FAM98B: variants seen among roughly 807,000 people sequenced by gnomAD.
FAM98B encodes tRNA splicing ligase complex subunit 3B.
Under a neutral mutation model 43.9 loss-of-function variants are expected in FAM98B, and 32 were observed. The observed-to-expected ratio is 0.73, with a 90% CI of 0.55 to 0.98. The LOEUF (loss-of-function observed/expected upper bound fraction) is 0.98. Ranked by LOEUF, FAM98B falls within the 50% of genes least tolerant of loss-of-function variation. FAM98B has a pLI of 0.00. For synonymous variants in FAM98B, 190 were observed against 174.0 expected, an observed-to-expected ratio of 1.09 and a Z score of -0.72; for missense variants, 514 against 522.9, an observed-to-expected ratio of 0.98 and a Z score of 0.17.
At chr15:38,460,961 C>T (rs1193258516) in intron 1 of FAM98B, among the ~76,000 whole-genome samples, 2 of 152,132 alleles carry the variant, frequency 1.3e-5, no homozygotes, top group Admixed American at 6.5e-5. Flanking sequence ...ATGTTAGCCA[C>T]TATTGCGATT....
At chr15:38,465,531 A>T in intron 3 of FAM98B, 128 bp downstream of exon 3, 1 of 831,236 alleles carries the variant, frequency 1.2e-6, no homozygotes, top group Non-Finnish European at 1.7e-6. Context: ...CTTAAAATAC[A>T]AAGCTATCTC....
At chr15:38,478,125 A>AAT (rs1260475294) in intron 6 of FAM98B, among the ~76,000 whole-genome samples, 3 of 152,244 alleles carry the variant, frequency 2.0e-5, no homozygotes, top group Non-Finnish European at 4.4e-5. Flanking sequence ...AGAAATCCAA[A>AAT]ATAAGTGAGT....
rs1236472418 is a variant in FAM98B at position 38,487,468 on chromosome 15, C to G, written c.*2809C>G. The G allele has an allele frequency of 6.6e-6, 1 of 152,050 alleles. No homozygotes were observed. The highest frequency in any genetic ancestry group is 2.4e-5 in the African/African-American group (1 of 41,422). 9.4% of individuals were successfully genotyped at this position (152,050 alleles called of 1,614,324 possible). A position where few individuals can be genotyped will look rare whatever the true frequency, so the allele number is the denominator to read the frequency against. ...AATCTTGCCTTCAGGATCAGGCTGT[C>G]AGTGTGACTTTATTACTTTGTATGA... On this transcript the variant is annotated 3_prime_UTR_variant, in exon 8 of 8. Coordinates refer to ENST00000397609, the MANE Select transcript of FAM98B (RefSeq NM_173611.4).
Position 38,470,394 on chromosome 15 carries a change from G to C in FAM98B, c.520G>C (p.Val174Leu), listed in dbSNP as rs1439892665. 6.3e-7 allele frequency: 1 copy of C among 1,593,884 alleles called. No individual in the cohort carries two copies. Among genetic ancestry groups the C allele is most frequent in the East Asian group, 2.3e-5 (1 of 44,298 alleles). Reference protein sequence around the residue: ...TSDIPHMLNQVESKVKDILSK... With the variant: ...TSDIPHMLNQLESKVKDILSK... ...TGACATTCCGCATATGCTAAACCAA[G>C]TGGAATCAAAGGTATTATCTTTGTT... is the stretch of plus-strand genomic sequence containing the variant. The change falls in exon 4 of 8, where the codon GTG becomes CTG. Residue 174 changes from valine to leucine, a missense_variant. By Grantham distance (32) the Val-to-Leu change is conservative. Coordinates refer to ENST00000397609, the MANE Select transcript of FAM98B (RefSeq NM_173611.4).
Position 38,480,008 on chromosome 15 carries a change from C to G in FAM98B, c.730-1284C>G, listed in dbSNP as rs574093171. 3.3e-5 allele frequency among the ~76,000 whole-genome samples: 5 copies of G among 151,850 alleles called. No individual in the cohort carries two copies. In the South Asian group the frequency reaches 8.3e-4, roughly 25 times the overall value. ...TCCTCTTTTTAACTTCTATTTATGT[C>G]TTGTCATTTTTTTTTCCTGTAAAAT... On this transcript the variant is annotated intron_variant, in intron 6 of 7. Transcript: ENST00000397609.
rs1482231277 is a variant in FAM98B at position 38,474,222 on chromosome 15, A to G, written c.653A>G (p.Tyr218Cys). ...ERINDALSCEYECRRRMLMKR... is the reference protein window; with the variant it reads ...ERINDALSCECECRRRMLMKR... ...ATCAATGATGCTCTTTCCTGTGAAT[A>G]TGAGTGCCGCCGACGAATGTTAATG... is the stretch of plus-strand genomic sequence containing the variant. The change falls in exon 6 of 8, where the codon TAT becomes TGT. Residue 218 changes from tyrosine (Y) to cysteine (C), a missense_variant. Tyr to Cys is a radical substitution (Grantham distance 194, BLOSUM62 -2). Coordinates refer to ENST00000397609, the MANE Select transcript of FAM98B (RefSeq NM_173611.4). The G allele has an allele frequency of 1.2e-6, 2 of 1,613,878 alleles. No individual in the cohort carries two copies. Among genetic ancestry groups the G allele is most frequent in the South Asian group, 1.1e-5 (1 of 91,074 alleles).
intron 7 of FAM98B, among the ~76,000 whole-genome samples, chr15:38,483,823 T>A (rs1019383816): frequency 6.6e-6 from 1 of 151,784 alleles, no homozygotes; most frequent in South Asian, 2.1e-4. Context: ...AGTAAAAAAA[T>A]TATTTTTTAA....
rs768909583 is a variant in FAM98B, at chr15:38,465,430, A to G, written c.352+27A>G. 3 of 1,542,340 alleles carry G rather than the reference A, an allele frequency of 1.9e-6. No individual in the cohort carries two copies. In the South Asian group the frequency reaches 3.9e-5, roughly 20 times the overall value. On this transcript the variant is annotated intron_variant, in intron 3 of 7. Transcript: ENST00000397609. ...TAAGTTATCTTGAACATTTAAATGC[A>G]TGTGTTTGACATGGTTTTTATTATT...
chr15:38,455,689 C>T (rs938359910), intron 1 of FAM98B, among the ~76,000 whole-genome samples: 1 of 152,114 alleles, frequency 6.6e-6, no homozygotes, highest in Non-Finnish European at 1.5e-5. Flanking sequence ...TTTGAGCTCC[C>T]AAGTACTTCA....
intron 4 of FAM98B, 47 bp downstream of exon 4, chr15:38,470,452 A>C (rs1388903995): frequency 6.8e-7 from 1 of 1,461,458 alleles, no homozygotes; most frequent in South Asian, 1.3e-5. Context: ...GAATGGTAAC[A>C]TGTAAGTGCT....
At chr15:38,454,463 C>A (rs1889816319) in intron 1 of FAM98B, among the ~76,000 whole-genome samples, 1 of 152,250 alleles carries the variant, frequency 6.6e-6, no homozygotes, top group African/African-American at 2.4e-5. Flanking sequence ...TTCGAAACTT[C>A]TTGCCTCGAA....
At position 38,472,226 on chromosome 15, in the gene FAM98B, T is replaced by G. The variant is rs551374201; in HGVS notation, c.532-1279T>G. 1.1e-4 allele frequency among the ~76,000 whole-genome samples: 17 copies of G among 152,264 alleles called. No homozygotes were observed. In the South Asian group the frequency reaches 1.2e-3, roughly 11 times the overall value. On this transcript the variant is annotated intron_variant, in intron 4 of 7. Transcript: ENST00000397609. Reference sequence around the variant, plus strand: ...ACACGTAACAAACTACAAGTATACATTGAGAATTCCTCTGGAGTGAGGAGT... The same window carrying G: ...ACACGTAACAAACTACAAGTATACAGTGAGAATTCCTCTGGAGTGAGGAGT...
At position 38,481,336 on chromosome 15, in the gene FAM98B, T is replaced by C. The variant is rs376754001; in HGVS notation, c.774T>C (p.Tyr258=). 80 of 1,614,200 alleles carry C rather than the reference T, an allele frequency of 5.0e-5. 1 individual carries two copies. In the South Asian group the frequency reaches 7.0e-4, roughly 14 times the overall value. ...DIARIYQPKR[Y]ALSPKTTITM... ...CAAGAATTTATCAGCCTAAGCGTTA[T>C]GCTTTGTCACCCAAGACAACGATTA... Residue 258 remains tyrosine, a synonymous_variant, in exon 7 of 8, where the codon TAT becomes TAC. Coordinates refer to ENST00000397609, the MANE Select transcript of FAM98B (RefSeq NM_173611.4).
intron 3 of FAM98B, among the ~76,000 whole-genome samples, chr15:38,468,540 TC>T (rs1890075186): frequency 1.3e-5 from 2 of 152,228 alleles, no homozygotes; most frequent in South Asian, 4.1e-4. Flanking sequence ...AGTTTTTAAG[TC>T]AGAAGGACCT....
At chr15:38,454,410 G>A (rs191594532) in intron 1 of FAM98B, among the ~76,000 whole-genome samples, 178 bp downstream of exon 1, 2 of 152,174 alleles carry the variant, frequency 1.3e-5, no homozygotes, top group African/African-American at 4.8e-5. Flanking sequence ...AATCTATTTG[G>A]GGGGTGGAGC....
chr15:38,463,951 G>T, intron 1 of FAM98B, 81 bp from the exon 2 acceptor site: 1 of 1,300,268 alleles, frequency 7.7e-7, no homozygotes. Context: ...AAAACAAGCA[G>T]CAGACCTTGA....
intron 1 of FAM98B, 98 bp downstream of exon 1, chr15:38,454,330 C>G (rs1489778506): frequency 7.8e-7 from 1 of 1,279,604 alleles, no homozygotes; most frequent in African/African-American, 1.5e-5. Flanking sequence ...GCCTGGGCGG[C>G]CATGTGTAGG....
chr15:38,463,825 T>C (rs1216626546), intron 1 of FAM98B, among the ~76,000 whole-genome samples: 1 of 152,198 alleles, frequency 6.6e-6, no homozygotes, highest in Non-Finnish European at 1.5e-5. Flanking sequence ...GAAGGCCATG[T>C]AGTCATCATT....
At chr15:38,454,318 G>C in intron 1 of FAM98B, 86 bp downstream of exon 1, 2 of 1,420,528 alleles carry the variant, frequency 1.4e-6, no homozygotes, top group Non-Finnish European at 1.9e-6. Flanking sequence ...GGGCCTCTGT[G>C]GGCCTGGGCG....
Sources: allele counts gnomAD v4.1 joint callset (sites outside exome capture counted in the v4.1 genomes callset), GRCh38; gene constraint gnomAD v4.1.1; transcripts MANE v1.5; gene names NCBI Gene and HGNC (gene_info 2026-07-23, HGNC 2026-07-21).